Variants in MGRN1 observed in about 807,000 individuals in gnomAD.
MGRN1 encodes the protein E3 ubiquitin-protein ligase MGRN1.
MGRN1 carries 29 observed loss-of-function variants against 69.2 expected under a neutral mutation model. That is an observed-to-expected ratio of 0.42 (90% CI 0.31 to 0.57). The LOEUF is 0.57. MGRN1 is among the 20% of genes least tolerant of loss of function. The pLI, the probability that MGRN1 is intolerant of heterozygous loss-of-function variation, is 0.15. For synonymous variants in MGRN1, 470 were observed against 344.2 expected, an observed-to-expected ratio of 1.37 and a Z score of -4.04; for missense variants, 998 against 796.2, an observed-to-expected ratio of 1.25 and a Z score of -3.05.
At chr16:4,676,027 G>T (rs1296448154) in intron 10 of MGRN1, among the ~76,000 whole-genome samples, 5 of 152,246 alleles carry the variant, frequency 3.3e-5, no homozygotes, top group Non-Finnish European at 5.9e-5. Flanking sequence ...ATTTGCCTGC[G>T]CAGCTGCAGG....
intron 7 of MGRN1, among the ~76,000 whole-genome samples, chr16:4,666,328 C>A (rs537021613): frequency 1.6e-4 from 24 of 152,134 alleles, no homozygotes; most frequent in Non-Finnish European, 1.0e-4. Flanking sequence ...GAAGAGGTCT[C>A]GCTATGTTGC....
intron 8 of MGRN1, among the ~76,000 whole-genome samples, chr16:4,668,672 ATAC>A (rs1377130715): frequency 4.2e-5 from 6 of 141,702 alleles, no homozygotes; most frequent in Non-Finnish European, 9.3e-5. Context: ...TCACACACAT[ATAC>A]ATAGACACAC....
intron 11 of MGRN1, among the ~76,000 whole-genome samples, chr16:4,678,223 C>T (rs1278899369): frequency 2.0e-5 from 3 of 152,370 alleles, no homozygotes; most frequent in East Asian, 1.9e-4. Context: ...CCTCCTCCCA[C>T]GCTCCAGGCC....
At chr16:4,683,414 T>C (rs922943244) in intron 15 of MGRN1, 145 bp downstream of exon 15, 5 of 960,668 alleles carry the variant, frequency 5.2e-6, no homozygotes, top group African/African-American at 1.6e-5. Flanking sequence ...TCGGCGGCAC[T>C]GGGATCCCGG....
intron 11 of MGRN1, among the ~76,000 whole-genome samples, chr16:4,678,055 C>G (rs1367515102): frequency 6.6e-6 from 1 of 152,168 alleles, no homozygotes. Context: ...CCATGTTGCC[C>G]AGGCTGGTCT....
chr16:4,681,822 C>G, intron 13 of MGRN1, 46 bp downstream of exon 13: 1 of 1,564,142 alleles, frequency 6.4e-7, no homozygotes. Context: ...TGTGGTGGCG[C>G]GCGTGCGGAG....
chr16:4,632,191 A>G (rs1435391516), intron 1 of MGRN1, among the ~76,000 whole-genome samples: 1 of 24,322 alleles, frequency 4.1e-5, no homozygotes, highest in Non-Finnish European at 7.7e-5. Context: ...TAATTTTTGT[A>G]TTTTTAGTAG....
intron 4 of MGRN1, 21 bp from the exon 5 acceptor site, chr16:4,657,225 C>G (rs575691342): frequency 1.2e-6 from 2 of 1,608,354 alleles, no homozygotes; most frequent in African/African-American, 1.3e-5. Flanking sequence ...AGCCTCACTG[C>G]TTGCTCCTGG....
At chr16:4,674,575 C>G (rs552217602) in intron 10 of MGRN1, among the ~76,000 whole-genome samples, 3 of 146,046 alleles carry the variant, frequency 2.1e-5, no homozygotes, top group Non-Finnish European at 4.5e-5. Flanking sequence ...GCGTGAGCCA[C>G]CGCTTTTTTT....
In MGRN1 at chr16:4,651,831, C is replaced by A. The variant is rs146699745; in HGVS notation, c.208-132C>A. The A allele has an allele frequency of 6.1e-5, 47 of 776,460 alleles. No homozygotes were observed. The African/African-American group carries it at 7.7e-4, about 13-fold the overall frequency. 48.1% of individuals were successfully genotyped at this position (776,460 alleles called of 1,614,324 possible). On this transcript the variant is annotated intron_variant, in intron 2 of 16. Coordinates refer to ENST00000262370, the MANE Select transcript of MGRN1 (RefSeq NM_015246.4). ...CTACCTGTAAATGAGAACAGTGCAC[C>A]CAGTATAGCCCCTCCCATGGGACTA...
chr16:4,641,596 G>A (rs917734073), intron 1 of MGRN1, among the ~76,000 whole-genome samples: 18 of 148,980 alleles, frequency 1.2e-4, no homozygotes, highest in Admixed American at 7.5e-4. Context: ...TCGGCTGACC[G>A]CAACCTCTGC....
chr16:4,625,586 G>C (rs780003544), intron 1 of MGRN1, among the ~76,000 whole-genome samples: 3 of 152,200 alleles, frequency 2.0e-5, no homozygotes, highest in Non-Finnish European at 4.4e-5. Flanking sequence ...TTGATCGGGA[G>C]GGGCCAGGGT....
At chr16:4,665,203 G>T (rs1423289095) in intron 7 of MGRN1, 52 bp downstream of exon 7, 2 of 1,604,866 alleles carry the variant, frequency 1.2e-6, no homozygotes, top group South Asian at 1.1e-5. Flanking sequence ...CTGGGCAGGG[G>T]GTGGCCTTTT....
chr16:4,651,828 C>A, intron 2 of MGRN1, 135 bp from the exon 3 acceptor site: 2 of 757,732 alleles, frequency 2.6e-6, no homozygotes. Flanking sequence ...GAGAACAGTG[C>A]ACCCAGTATA....
intron 5 of MGRN1, among the ~76,000 whole-genome samples, chr16:4,657,738 CTTTTTTTTTTTTTT>C (rs1157518931): frequency 1.2e-4 from 9 of 76,998 alleles, no homozygotes; most frequent in Non-Finnish European, 2.0e-4. Flanking sequence ...TGCAGACATC[CTTTTTTTTTTTTTT>C]TTTTTTTTTT....
intron 1 of MGRN1, among the ~76,000 whole-genome samples, chr16:4,645,682 G>C (rs2078259561): frequency 6.6e-6 from 1 of 152,200 alleles, no homozygotes; most frequent in African/African-American, 2.4e-5. Flanking sequence ...TAGAGCTGGA[G>C]CTCCAGGGAA....
chr16:4,647,432 G>T (rs1266773933), intron 1 of MGRN1, among the ~76,000 whole-genome samples: 2 of 152,230 alleles, frequency 1.3e-5, no homozygotes, highest in African/African-American at 4.8e-5. Context: ...ATCAGGGAAG[G>T]CATCCTGGGC....
chr16:4,682,120 A>G (rs2079198151), intron 13 of MGRN1, among the ~76,000 whole-genome samples: 1 of 152,060 alleles, frequency 6.6e-6, no homozygotes, highest in Non-Finnish European at 1.5e-5. Context: ...CCCAGACTTC[A>G]TTGGGGGGCT....
intron 1 of MGRN1, among the ~76,000 whole-genome samples, chr16:4,642,440 G>T (rs1049589791): frequency 1.3e-5 from 2 of 151,262 alleles, no homozygotes; most frequent in Non-Finnish European, 2.9e-5. Flanking sequence ...TGGGATTACA[G>T]GCATGCACCA....
Sources: allele counts gnomAD v4.1 joint callset (sites outside exome capture counted in the v4.1 genomes callset), GRCh38; gene constraint gnomAD v4.1.1; transcripts MANE v1.5; gene names NCBI Gene and HGNC (gene_info 2026-07-23, HGNC 2026-07-21).